Variants in NEGR1 observed in about 807,000 individuals in gnomAD.
NEGR1 encodes the protein neuronal growth regulator 1, also known as IgLON family member 4.
NEGR1 carries 10 observed loss-of-function variants against 40.9 expected under a neutral mutation model. The observed-to-expected ratio is 0.24, with a 90% CI of 0.15 to 0.42. The LOEUF (loss-of-function observed/expected upper bound fraction) is 0.42, where lower values mean the gene tolerates loss of function less well. NEGR1 is among the 10% of genes least tolerant of loss of function. The pLI, the probability that NEGR1 is intolerant of heterozygous loss-of-function variation, is 1.00. For synonymous variants in NEGR1, 185 were observed against 166.8 expected (o/e 1.11, Z -0.84); for missense variants, 352 against 438.9 (o/e 0.80, Z 1.77).
rs1377568077 is a variant in NEGR1, at chr1:71,403,436, T to C, written c.*4010A>G. The C allele has an allele frequency of 1.3e-5, 2 of 152,442 alleles. No individual in the cohort carries two copies. Among genetic ancestry groups the C allele is most frequent in the Non-Finnish European group, 2.9e-5 (2 of 68,196 alleles). 9.4% of individuals were successfully genotyped at this position (152,442 alleles called of 1,614,324 possible). ...TTAGTCTCTGTTGCTAACTCTGCTG[T>C]ATTTTACCAGGTAAAGGTTCTAAAT... is the stretch of plus-strand genomic sequence containing the variant. On this transcript the variant is annotated 3_prime_UTR_variant, in exon 7 of 7. Coordinates refer to ENST00000357731, the MANE Select transcript of NEGR1 (RefSeq NM_173808.3).
chr1:71,608,495 C>T (rs1389159039), intron 5 of NEGR1, among the ~76,000 whole-genome samples: 2 of 138,634 alleles, frequency 1.4e-5, no homozygotes, highest in African/African-American at 5.3e-5. Context: ...ATTACTGTAG[C>T]TTTTTTTTTT....
intron 1 of NEGR1, among the ~76,000 whole-genome samples, chr1:72,115,797 G>GTTGAGGGTGTTAAGTC (rs1649559288): frequency 6.6e-6 from 1 of 151,656 alleles, no homozygotes; most frequent in Non-Finnish European, 1.5e-5. Context: ...GAGTATGAGT[G>GTTGAGGGTGTTAAGTC]TTGAGGGTGT....
At chr1:71,982,538 A>G (rs935207328) in intron 1 of NEGR1, among the ~76,000 whole-genome samples, 1 of 152,186 alleles carries the variant, frequency 6.6e-6, no homozygotes, top group Non-Finnish European at 1.5e-5. Flanking sequence ...TGCTTTCCCA[A>G]TTGCTTAGAG....
At chr1:71,712,912 A>G (rs1423023832) in intron 3 of NEGR1, among the ~76,000 whole-genome samples, 1 of 152,088 alleles carries the variant, frequency 6.6e-6, no homozygotes, top group African/African-American at 2.4e-5. Context: ...CTTCCCCTTC[A>G]ACATTCTGCC....
At chr1:71,457,272 T>C (rs1173552227) in intron 6 of NEGR1, among the ~76,000 whole-genome samples, 1 of 152,206 alleles carries the variant, frequency 6.6e-6, no homozygotes, top group Non-Finnish European at 1.5e-5. Flanking sequence ...CTTCATCTTG[T>C]CAATCCCCTG....
At chr1:72,140,748 C>CA (rs1226548260) in intron 1 of NEGR1, among the ~76,000 whole-genome samples, 1 of 151,838 alleles carries the variant, frequency 6.6e-6, no homozygotes, top group Non-Finnish European at 1.5e-5. Flanking sequence ...AGAATATACT[C>CA]AAAATTATAC....
chr1:71,871,094 C>A (rs763417149), intron 2 of NEGR1, among the ~76,000 whole-genome samples: 1 of 152,164 alleles, frequency 6.6e-6, no homozygotes, highest in Non-Finnish European at 1.5e-5. Flanking sequence ...TCTTCTCTGT[C>A]TTTGAGATTG....
At chr1:72,232,353 CA>C (rs199556269) in intron 1 of NEGR1, among the ~76,000 whole-genome samples, 195 of 139,686 alleles carry the variant, frequency 1.4e-3, no homozygotes, top group South Asian at 2.7e-3. Flanking sequence ...CAGATTCTGT[CA>C]AAAAAAAAAA....
chr1:71,614,206 C>T (rs1416039342), intron 4 of NEGR1, among the ~76,000 whole-genome samples: 1 of 151,660 alleles, frequency 6.6e-6, no homozygotes, highest in Non-Finnish European at 1.5e-5. Context: ...TGCATGAGAA[C>T]TGTTACAAGA....
chr1:71,745,357 C>A (rs962298962), intron 3 of NEGR1, among the ~76,000 whole-genome samples: 1 of 152,102 alleles, frequency 6.6e-6, no homozygotes, highest in East Asian at 1.9e-4. Flanking sequence ...AACAAACAAA[C>A]AAACAAACAA....
chr1:71,525,080 T>C (rs1445232093), intron 6 of NEGR1, among the ~76,000 whole-genome samples: 3 of 151,780 alleles, frequency 2.0e-5, no homozygotes, highest in Non-Finnish European at 4.4e-5. Flanking sequence ...ATATTTGTGA[T>C]AATTTATTAC....
intron 2 of NEGR1, among the ~76,000 whole-genome samples, chr1:71,852,231 C>G (rs1334037931): frequency 6.6e-6 from 1 of 152,032 alleles, no homozygotes; most frequent in African/African-American, 2.4e-5. Flanking sequence ...CTACATGTCA[C>G]AGGACCTCAA....
At chr1:71,571,991 T>C (rs183289624) in intron 6 of NEGR1, among the ~76,000 whole-genome samples, 65 of 152,224 alleles carry the variant, frequency 4.3e-4, no homozygotes, top group Middle Eastern at 6.8e-3. Context: ...GACAATTCTT[T>C]GTTCTGTAAA....
chr1:71,599,347 T>C (rs1012724850), intron 5 of NEGR1, among the ~76,000 whole-genome samples: 2 of 152,208 alleles, frequency 1.3e-5, no homozygotes, highest in Admixed American at 6.5e-5. Context: ...GAAAAGATCA[T>C]GGCATCCTGA....
At chr1:72,242,230 TC>T (rs1351334825) in intron 1 of NEGR1, among the ~76,000 whole-genome samples, 3 of 151,854 alleles carry the variant, frequency 2.0e-5, no homozygotes, top group East Asian at 3.9e-4. Flanking sequence ...GAAAACAACT[TC>T]TACACTTTGA....
chr1:72,075,806 A>T (rs1647705113), intron 1 of NEGR1, among the ~76,000 whole-genome samples: 1 of 152,222 alleles, frequency 6.6e-6, no homozygotes, highest in African/African-American at 2.4e-5. Context: ...TGTTTCCTTT[A>T]GCCCTGTGAA....
At chr1:71,976,365 TG>T (rs1312700096) in intron 1 of NEGR1, among the ~76,000 whole-genome samples, 6 of 152,102 alleles carry the variant, frequency 3.9e-5, no homozygotes, top group Non-Finnish European at 8.8e-5. Flanking sequence ...AGTAATGAGG[TG>T]GGTGTCTTAG....
intron 2 of NEGR1, among the ~76,000 whole-genome samples, chr1:71,861,896 T>C (rs1039033063): frequency 6.6e-6 from 1 of 152,062 alleles, no homozygotes; most frequent in Non-Finnish European, 1.5e-5. Flanking sequence ...TTAGATGAGG[T>C]GGCCCCTGCC....
chr1:71,484,688 A>G (rs184683866), intron 6 of NEGR1: 2 of 151,852 alleles, frequency 1.3e-5, no homozygotes, highest in Admixed American at 1.3e-4. Flanking sequence ...ATCAGCCTCT[A>G]TCCAATAGTA....
Sources: gnomAD v4.1 joint callset for allele counts (sites outside exome capture counted in the v4.1 genomes callset) on GRCh38, gnomAD v4.1.1 for gene constraint, MANE v1.5 for transcripts, NCBI Gene and HGNC (gene_info 2026-07-23, HGNC 2026-07-21) for gene names.